Variants in FAM110B observed in about 807,000 individuals in gnomAD.
FAM110B encodes the protein family with sequence similarity 110 member B, also known as protein FAM110B.
In FAM110B, 6 loss-of-function variants were observed where a neutral mutation model predicts 20.4. The ratio of observed to expected loss-of-function variants is 0.29; its 90% CI spans 0.16 to 0.58. The LOEUF is 0.58. FAM110B is among the 20% of genes least tolerant of loss of function. The pLI is 0.90. For missense variants in FAM110B, 434 were observed against 498.2 expected (o/e 0.87, Z 1.23); for synonymous variants, 226 against 214.1 (o/e 1.06, Z -0.49).
At chr8:58,098,074 C>T (rs1208622529) in intron 3 of FAM110B, among the ~76,000 whole-genome samples, 1 of 152,204 alleles carries the variant, frequency 6.6e-6, no homozygotes, top group African/African-American at 2.4e-5. Flanking sequence ...AAGCTCTGTG[C>T]GGGGAGATCC....
chr8:58,082,626 T>A (rs1237126956), intron 3 of FAM110B, among the ~76,000 whole-genome samples: 2 of 152,124 alleles, frequency 1.3e-5, no homozygotes, highest in Non-Finnish European at 2.9e-5. Context: ...AAGAATTATG[T>A]TTTAACTCTG....
At chr8:58,086,277 G>GA (rs1806332865) in intron 3 of FAM110B, among the ~76,000 whole-genome samples, 1 of 152,152 alleles carries the variant, frequency 6.6e-6, no homozygotes, top group South Asian at 2.1e-4. Flanking sequence ...GTATAATAAA[G>GA]AAAAAATTAT....
chr8:58,031,118 C>A (rs952224534), intron 1 of FAM110B, among the ~76,000 whole-genome samples: 1 of 152,186 alleles, frequency 6.6e-6, no homozygotes, highest in South Asian at 2.1e-4. Flanking sequence ...TGGGTCTGAA[C>A]TGCATTTGGA....
intron 1 of FAM110B, among the ~76,000 whole-genome samples, chr8:58,027,611 C>G (rs982185436): frequency 2.0e-5 from 3 of 152,170 alleles, no homozygotes; most frequent in Non-Finnish European, 4.4e-5. Flanking sequence ...TCCCTTCCCC[C>G]ACACTGTGAC....
chr8:58,108,844 T>C (rs373621300), intron 3 of FAM110B, among the ~76,000 whole-genome samples: 1 of 152,218 alleles, frequency 6.6e-6, no homozygotes, highest in Non-Finnish European at 1.5e-5. Flanking sequence ...AGGAGCTTCA[T>C]TCCTCCTTCA....
At chr8:58,080,363 A>G (rs1806158978) in intron 3 of FAM110B, among the ~76,000 whole-genome samples, 1 of 152,222 alleles carries the variant, frequency 6.6e-6, no homozygotes, top group Non-Finnish European at 1.5e-5. Context: ...AATCAGCTAG[A>G]GTAGGAAAGA....
intron 2 of FAM110B, among the ~76,000 whole-genome samples, chr8:58,053,282 T>C (rs1030519561): frequency 1.3e-5 from 2 of 152,064 alleles, no homozygotes; most frequent in Admixed American, 1.3e-4. Context: ...TGTCAGGTGG[T>C]GAGGAATGGT....
In FAM110B at chr8:58,146,956, C is replaced by G. The variant is rs770472744; in HGVS notation, c.726C>G (p.Asp242Glu). Reference protein sequence around the residue: ...AIASMKSPEADPVEPACGVSR... With the variant: ...AIASMKSPEAEPVEPACGVSR... Reference sequence around the variant, plus strand: ...CCTCCATGAAGTCCCCCGAGGCCGACCCTGTGGAACCAGCTTGTGGAGTCA... The same window carrying G: ...CCTCCATGAAGTCCCCCGAGGCCGAGCCTGTGGAACCAGCTTGTGGAGTCA... Residue 242 changes from aspartate to glutamate, a missense_variant, in exon 4 of 4, where the codon GAC becomes GAG. Physicochemically the swap from Asp to Glu is conservative, Grantham distance 45. Coordinates refer to ENST00000519262, the MANE Select transcript of FAM110B (RefSeq NM_001377989.1). 5 of 1,614,226 alleles carry G rather than the reference C, an allele frequency of 3.1e-6. No individual in the cohort carries two copies. The highest frequency in any genetic ancestry group is 4.2e-6 in the Non-Finnish European group (5 of 1,180,048).
chr8:58,124,754 C>T (rs984921768), intron 3 of FAM110B, among the ~76,000 whole-genome samples: 2 of 152,258 alleles, frequency 1.3e-5, no homozygotes, highest in African/African-American at 4.8e-5. Flanking sequence ...ACACTCATCT[C>T]TATTAAAATA....
intron 1 of FAM110B, among the ~76,000 whole-genome samples, chr8:58,004,934 T>C (rs1411492981): frequency 6.6e-6 from 1 of 152,214 alleles, no homozygotes; most frequent in Non-Finnish European, 1.5e-5. Context: ...CGAGAAGCGA[T>C]AAGGCTGTTT....
At chr8:58,017,569 G>T (rs1585814249) in intron 1 of FAM110B, among the ~76,000 whole-genome samples, 2 of 152,164 alleles carry the variant, frequency 1.3e-5, no homozygotes, top group Admixed American at 1.3e-4. Context: ...AAGAGGGTGT[G>T]CAGTTTCTTT....
At chr8:58,093,631 T>C (rs1165798986) in intron 3 of FAM110B, among the ~76,000 whole-genome samples, 1 of 152,240 alleles carries the variant, frequency 6.6e-6, no homozygotes, top group Non-Finnish European at 1.5e-5. Flanking sequence ...GCCAGTACCA[T>C]GCTGTTTTGG....
intron 2 of FAM110B, among the ~76,000 whole-genome samples, chr8:58,033,136 A>G (rs1268587673): frequency 6.6e-6 from 1 of 151,892 alleles, no homozygotes; most frequent in South Asian, 2.1e-4. Flanking sequence ...TTTAGCTCCT[A>G]CTTATATGTG....
At chr8:58,112,932 G>T (rs1807099167) in intron 3 of FAM110B, among the ~76,000 whole-genome samples, 1 of 152,156 alleles carries the variant, frequency 6.6e-6, no homozygotes, top group African/African-American at 2.4e-5. Flanking sequence ...AGTTCTGGAG[G>T]CTGGGAAGTC....
intron 2 of FAM110B, among the ~76,000 whole-genome samples, chr8:58,042,024 T>C (rs1158791100): frequency 6.6e-6 from 1 of 152,266 alleles, no homozygotes; most frequent in Non-Finnish European, 1.5e-5. Context: ...ACCTGTTTCC[T>C]CCTGTTTACC....
chr8:58,131,370 C>T (rs1406274513), intron 3 of FAM110B, among the ~76,000 whole-genome samples: 1 of 152,118 alleles, frequency 6.6e-6, no homozygotes, highest in Non-Finnish European at 1.5e-5. Flanking sequence ...CTTGCCTCAC[C>T]TCCCCCGCAA....
intron 2 of FAM110B, among the ~76,000 whole-genome samples, chr8:58,037,645 A>T (rs868359122): frequency 1.3e-5 from 2 of 152,140 alleles, no homozygotes; most frequent in Non-Finnish European, 2.9e-5. Flanking sequence ...TCTTTAAAAA[A>T]AAAAAGTTTT....
chr8:58,002,261 C>T (rs544446143), intron 1 of FAM110B, among the ~76,000 whole-genome samples: 16 of 152,308 alleles, frequency 1.1e-4, no homozygotes, highest in African/African-American at 3.8e-4. Flanking sequence ...CAAGTAGACA[C>T]ATAAAATTAA....
intron 2 of FAM110B, among the ~76,000 whole-genome samples, chr8:58,051,001 A>C (rs142938826): frequency 6.6e-6 from 1 of 152,228 alleles, no homozygotes; most frequent in African/African-American, 2.4e-5. Flanking sequence ...GTTTAACCTT[A>C]CTGTGTTTCT....
Sources: allele counts gnomAD v4.1 joint callset (sites outside exome capture counted in the v4.1 genomes callset), GRCh38; gene constraint gnomAD v4.1.1; transcripts MANE v1.5; gene names NCBI Gene and HGNC (gene_info 2026-07-23, HGNC 2026-07-21).